FHL2: variants seen among roughly 807,000 people sequenced by gnomAD.
The protein encoded by FHL2 is four and a half LIM domains protein 2.
Under a neutral mutation model 32.7 loss-of-function variants are expected in FHL2, and 20 were observed. The ratio of observed to expected loss-of-function variants is 0.61; its 90% confidence interval spans 0.43 to 0.89. The LOEUF (loss-of-function observed/expected upper bound fraction) is 0.89. Ranked by LOEUF, FHL2 falls within the 40% of genes least tolerant of loss-of-function variation. The pLI is 0.00. For missense variants in FHL2, 311 were observed against 358.6 expected (o/e 0.87, Z 1.07); for synonymous variants, 123 against 128.1 (o/e 0.96, Z 0.27).
chr2:105,410,230 T>G lies in FHL2; in HGVS notation c.-24-23690A>C, dbSNP rs543162600. On this transcript the variant is annotated intron_variant, in intron 1 of 5. Coordinates refer to the FHL2 transcript ENST00000393352. ...TCAGGCGGAGGCCGGAGAGGCAGCTTGCCAGCTAGGAGAACACCTGAGCAG... is the reference window on the plus strand; with the variant it reads ...TCAGGCGGAGGCCGGAGAGGCAGCTGGCCAGCTAGGAGAACACCTGAGCAG... 2.6e-5 allele frequency among the ~76,000 whole-genome samples: 4 copies of G among 152,368 alleles called. No individual in the cohort carries two copies. The South Asian group carries it at 8.3e-4, about 32-fold the overall frequency.
At chr2:105,427,680 G>A (rs1471407155) in intron 1 of FHL2, among the ~76,000 whole-genome samples, 3 of 152,200 alleles carry the variant, frequency 2.0e-5, no homozygotes. Context: ...TGAAAGGAAT[G>A]AGAGTGTTTG....
rs1680245142 is a variant in FHL2, at chr2:105,361,358, G to A, written c.765C>T (p.Ser255=). 6.2e-7 allele frequency: 1 copy of A among 1,613,988 alleles called. No homozygotes were observed. Among genetic ancestry groups the A allele is most frequent in the Admixed American group, 1.7e-5 (1 of 59,998 alleles). Residue 255 remains serine (S), a synonymous_variant, in exon 7 of 7, where the codon TCC becomes TCT. Coordinates refer to ENST00000530340, the MANE Select transcript of FHL2 (RefSeq NM_001318895.3). ...GGAAGCCACGCCCCACCAGTGAGAG[G>A]GAGCACTTCTTACAGTTAAAGCAGT... ...HNDCFNCKKC[S]LSLVGRGFLT... is the part of the protein sequence containing the mutation.
chr2:105,429,353 ATTAAG>A (rs759344523), intron 1 of FHL2, among the ~76,000 whole-genome samples: 157 of 152,312 alleles, frequency 1.0e-3, no homozygotes, highest in Non-Finnish European at 1.5e-3. Flanking sequence ...TGCAGATGTG[ATTAAG>A]TTAAGGATCA....
At chr2:105,406,148 C>T (rs1324883465) in intron 1 of FHL2, among the ~76,000 whole-genome samples, 1 of 152,216 alleles carries the variant, frequency 6.6e-6, no homozygotes, top group Non-Finnish European at 1.5e-5. Context: ...GCATCTTTCT[C>T]CATCCTTGCA....
chr2:105,408,464 T>A (rs1683701154), intron 1 of FHL2, among the ~76,000 whole-genome samples: 1 of 152,214 alleles, frequency 6.6e-6, no homozygotes, highest in Non-Finnish European at 1.5e-5. Flanking sequence ...ACCAGCACTT[T>A]GGCACTTGCA....
intron 1 of FHL2, among the ~76,000 whole-genome samples, chr2:105,433,963 A>AT (rs1388678254): frequency 1.3e-5 from 2 of 152,112 alleles, no homozygotes; most frequent in Non-Finnish European, 2.9e-5. Context: ...TCCTTAAGTC[A>AT]TTACCCACCC....
At chr2:105,428,467 TG>T (rs1352856919) in intron 1 of FHL2, among the ~76,000 whole-genome samples, 2 of 152,232 alleles carry the variant, frequency 1.3e-5, no homozygotes, top group African/African-American at 4.8e-5. Context: ...GCTGGTTTGC[TG>T]GGCCTTGGAA....
At chr2:105,381,545 T>G (rs1045167923) in intron 3 of FHL2, among the ~76,000 whole-genome samples, 2 of 152,170 alleles carry the variant, frequency 1.3e-5, no homozygotes, top group Non-Finnish European at 2.9e-5. Context: ...TCTGCTGCTA[T>G]GTCTTGTGGC....
chr2:105,404,784 C>A (rs751460205), intron 1 of FHL2, among the ~76,000 whole-genome samples: 4 of 152,204 alleles, frequency 2.6e-5, no homozygotes, highest in Non-Finnish European at 4.4e-5. Flanking sequence ...ATGATTGGCT[C>A]TTTCTTGAGA....
At chr2:105,409,526 G>T (rs1683733375) in intron 1 of FHL2, among the ~76,000 whole-genome samples, 1 of 152,140 alleles carries the variant, frequency 6.6e-6, no homozygotes, top group African/African-American at 2.4e-5. Flanking sequence ...ACATTTTTGT[G>T]CCATAAAGGC....
At chr2:105,361,839 G>A (rs1468604957) in intron 6 of FHL2, among the ~76,000 whole-genome samples, 1 of 152,098 alleles carries the variant, frequency 6.6e-6, no homozygotes, top group Non-Finnish European at 1.5e-5. Context: ...GTGTAGAAGA[G>A]GAAAAGGTTA....
At chr2:105,397,277 T>C (rs1558716192) in intron 1 of FHL2, among the ~76,000 whole-genome samples, 1 of 152,186 alleles carries the variant, frequency 6.6e-6, no homozygotes, top group Non-Finnish European at 1.5e-5. Flanking sequence ...CGGGAAACCC[T>C]GAGTTAAAGT....
intron 1 of FHL2, among the ~76,000 whole-genome samples, chr2:105,414,695 G>A (rs539797546): frequency 6.6e-6 from 1 of 152,266 alleles, no homozygotes; most frequent in African/African-American, 2.4e-5. Flanking sequence ...TGGGGTTACA[G>A]GCACACGCTA....
At chr2:105,367,859 T>A in intron 4 of FHL2, 120 bp from the exon 5 acceptor site, 1 of 958,436 alleles carries the variant, frequency 1.0e-6, no homozygotes, top group South Asian at 1.7e-5. Flanking sequence ...CCACTTCAGC[T>A]CTTGAAGGCT....
At chr2:105,431,518 G>T (rs1229730128) in intron 1 of FHL2, among the ~76,000 whole-genome samples, 1 of 152,218 alleles carries the variant, frequency 6.6e-6, no homozygotes, top group African/African-American at 2.4e-5. Flanking sequence ...AGGTGCAAAT[G>T]CCCTGGGGCA....
At chr2:105,394,078 G>A (rs568792834) in intron 2 of FHL2, among the ~76,000 whole-genome samples, 35 of 152,244 alleles carry the variant, frequency 2.3e-4, no homozygotes, top group Non-Finnish European at 4.0e-4. Context: ...TCAAAGGCAC[G>A]GGACTCTCAC....
At chr2:105,372,669 G>A (rs560614655) in intron 4 of FHL2, among the ~76,000 whole-genome samples, 3 of 152,190 alleles carry the variant, frequency 2.0e-5, no homozygotes, top group African/African-American at 7.2e-5. Context: ...CACGCCTGTA[G>A]TCTCAGCTAC....
chr2:105,413,860 T>G (rs1326184387), intron 1 of FHL2, among the ~76,000 whole-genome samples: 1 of 152,204 alleles, frequency 6.6e-6, no homozygotes, highest in African/African-American at 2.4e-5. Context: ...TCCCTCCATA[T>G]ACCAAGCAAT....
At chr2:105,396,564 A>G in intron 2 of FHL2, 83 bp downstream of exon 2, 4 of 1,269,190 alleles carry the variant, frequency 3.2e-6, no homozygotes, top group Non-Finnish European at 4.6e-6. Context: ...GGCCCAGTCA[A>G]GTTGACACAT....
Sources: gnomAD v4.1 joint callset for allele counts (sites outside exome capture counted in the v4.1 genomes callset) on GRCh38, gnomAD v4.1.1 for gene constraint, MANE v1.5 for transcripts, NCBI Gene and HGNC (gene_info 2026-07-23, HGNC 2026-07-21) for gene names.